RIT2: variants seen among roughly 807,000 people sequenced by gnomAD.
The protein encoded by RIT2 is GTP-binding protein Rit2.
RIT2 carries 24 observed loss-of-function variants against 23.7 expected under a neutral mutation model. That is an observed-to-expected ratio of 1.01 (90% CI 0.73 to 1.43). RIT2 has a LOEUF of 1.43. Ranked by LOEUF, RIT2 falls within the 40% of genes most tolerant of loss-of-function variation. The pLI is 0.00. For synonymous variants in RIT2, 107 were observed against 91.1 expected, an observed-to-expected ratio of 1.17 and a Z score of -0.99; for missense variants, 236 against 266.9, an observed-to-expected ratio of 0.88 and a Z score of 0.81.
At chr18:42,918,296 G>A (rs531825559) in intron 4 of RIT2, among the ~76,000 whole-genome samples, 3 of 152,198 alleles carry the variant, frequency 2.0e-5, no homozygotes, top group Non-Finnish European at 2.9e-5. Context: ...ATCCAGTTTG[G>A]ATAAATCATG....
intron 4 of RIT2, among the ~76,000 whole-genome samples, chr18:42,847,533 C>T (rs748808425): frequency 5.3e-5 from 8 of 152,110 alleles, no homozygotes; most frequent in South Asian, 2.1e-4. Context: ...GTAGGTAGTG[C>T]ATTTAATAAA....
At chr18:42,845,820 T>C (rs1176896071) in intron 4 of RIT2, among the ~76,000 whole-genome samples, 1 of 151,736 alleles carries the variant, frequency 6.6e-6, no homozygotes, top group Admixed American at 6.6e-5. Flanking sequence ...AAAGAAGAAA[T>C]CACAATTAAA....
At position 42,755,799 on chromosome 18, in the gene RIT2, G is replaced by C. The variant is rs151245561; in HGVS notation, c.427-12079C>G. Among the ~76,000 whole-genome samples the C allele has an allele frequency of 5.3e-5, 8 of 152,256 alleles. No individual in the cohort carries two copies. In the East Asian group the frequency reaches 1.6e-3, roughly 30 times the overall value. On this transcript the variant is annotated intron_variant, in intron 4 of 4. Transcript: ENST00000326695. Reference sequence around the variant, plus strand: ...AGTTGGTTGTCGATTTAGACAAATAGACAAATTAAAAGGAAATCTCAGATC... The same window carrying C: ...AGTTGGTTGTCGATTTAGACAAATACACAAATTAAAAGGAAATCTCAGATC...
At position 43,040,445 on chromosome 18, in the gene RIT2, T is replaced by C. The variant is rs1912101544; in HGVS notation, c.104-6578A>G. 5.3e-5 allele frequency among the ~76,000 whole-genome samples: 8 copies of C among 152,318 alleles called. No individual in the cohort carries two copies. The South Asian group carries it at 1.7e-3, about 32-fold the overall frequency. On this transcript the variant is annotated intron_variant, in intron 1 of 4. Coordinates refer to ENST00000326695, the MANE Select transcript of RIT2 (RefSeq NM_002930.4). ...ATGCAACATAAGTTATGCTGGAAGA[T>C]GACCATTGTGTTCTATGGAGTCTTT...
At chr18:42,915,749 C>T (rs1188632291) in intron 4 of RIT2, among the ~76,000 whole-genome samples, 1 of 151,588 alleles carries the variant, frequency 6.6e-6, no homozygotes, top group Non-Finnish European at 1.5e-5. Flanking sequence ...ACAAATTTGC[C>T]CAAAAACTAG....
intron 3 of RIT2, among the ~76,000 whole-genome samples, chr18:42,951,178 T>C (rs1234930258): frequency 6.6e-6 from 1 of 151,998 alleles, no homozygotes; most frequent in African/African-American, 2.4e-5. Context: ...TAGGTACCCA[T>C]CAATGGTGGA....
At chr18:43,098,821 A>G (rs1376437512) in intron 1 of RIT2, among the ~76,000 whole-genome samples, 1 of 152,024 alleles carries the variant, frequency 6.6e-6, no homozygotes, top group African/African-American at 2.4e-5. Flanking sequence ...TACTGAAGGA[A>G]TGGACCAGGA....
At chr18:42,827,770 C>A (rs1906337805) in intron 4 of RIT2, among the ~76,000 whole-genome samples, 1 of 151,886 alleles carries the variant, frequency 6.6e-6, no homozygotes, top group Non-Finnish European at 1.5e-5. Context: ...CTTTGGGAGG[C>A]CGAGGCGGGC....
chr18:42,914,094 A>G (rs748539437), intron 4 of RIT2, among the ~76,000 whole-genome samples: 8 of 152,104 alleles, frequency 5.3e-5, no homozygotes, highest in African/African-American at 9.7e-5. Context: ...ATTATTAGTC[A>G]TTAGACTAAT....
At chr18:42,884,050 TG>T (rs1440435938) in intron 4 of RIT2, among the ~76,000 whole-genome samples, 1 of 152,216 alleles carries the variant, frequency 6.6e-6, no homozygotes, top group Non-Finnish European at 1.5e-5. Flanking sequence ...CACAACATTA[TG>T]GTTTGCCATA....
At chr18:43,105,548 T>G (rs1913803541) in intron 1 of RIT2, among the ~76,000 whole-genome samples, 1 of 123,832 alleles carries the variant, frequency 8.1e-6, no homozygotes, top group African/African-American at 2.9e-5. Context: ...GGTGTAATAT[T>G]GGGCAATATA....
intron 3 of RIT2, among the ~76,000 whole-genome samples, chr18:42,927,444 CAG>C (rs2144139586): frequency 6.6e-6 from 1 of 151,122 alleles, no homozygotes; most frequent in Admixed American, 6.6e-5. Context: ...TGATGGGACT[CAG>C]AGATTTGAGC....
chr18:42,745,426 T>C (rs1396440033), intron 4 of RIT2, among the ~76,000 whole-genome samples: 1 of 152,164 alleles, frequency 6.6e-6, no homozygotes, highest in African/African-American at 2.4e-5. Flanking sequence ...ATCAAGTCTA[T>C]CTGATCCCAA....
intron 4 of RIT2, among the ~76,000 whole-genome samples, chr18:42,827,339 A>G (rs1446915881): frequency 6.6e-6 from 1 of 152,198 alleles, no homozygotes; most frequent in Non-Finnish European, 1.5e-5. Context: ...CATAAAAAAT[A>G]AAACTGTAAA....
intron 1 of RIT2, among the ~76,000 whole-genome samples, chr18:43,062,662 C>T (rs1167148769): frequency 2.0e-5 from 3 of 152,110 alleles, no homozygotes; most frequent in African/African-American, 7.2e-5. Flanking sequence ...AATAGCCTTT[C>T]TATCAGTCTG....
chr18:42,766,077 G>A (rs1188112245), intron 4 of RIT2, among the ~76,000 whole-genome samples: 3 of 152,154 alleles, frequency 2.0e-5, no homozygotes, highest in Non-Finnish European at 4.4e-5. Context: ...TTTATCAGCA[G>A]CATTGAAAAC....
chr18:42,809,485 A>C (rs942120767), intron 4 of RIT2, among the ~76,000 whole-genome samples: 4 of 152,082 alleles, frequency 2.6e-5, no homozygotes, highest in African/African-American at 4.8e-5. Flanking sequence ...AGCCAGTTCT[A>C]AATGAAATCT....
intron 3 of RIT2, among the ~76,000 whole-genome samples, chr18:42,965,243 T>G (rs555518872): frequency 6.6e-6 from 1 of 152,312 alleles, no homozygotes; most frequent in Admixed American, 6.5e-5. Flanking sequence ...TAAATAACAT[T>G]TAACTCTTTG....
intron 1 of RIT2, among the ~76,000 whole-genome samples, chr18:43,053,516 TA>T (rs1221884218): frequency 1.3e-5 from 2 of 152,022 alleles, no homozygotes; most frequent in African/African-American, 4.8e-5. Context: ...AAACTAAGCG[TA>T]ATGACTGGCA....
Sources: gnomAD v4.1 joint callset for allele counts (sites outside exome capture counted in the v4.1 genomes callset) on GRCh38, gnomAD v4.1.1 for gene constraint, MANE v1.5 for transcripts, NCBI Gene and HGNC (gene_info 2026-07-23, HGNC 2026-07-21) for gene names.